The following D2HGDH variants were observed in gnomAD, a reference collection of about 807,000 sequenced individuals.
D2HGDH encodes the protein D-2-hydroxyglutarate dehydrogenase.
Under a neutral mutation model 46.9 loss-of-function variants are expected in D2HGDH, and 31 were observed. The ratio of observed to expected loss-of-function variants is 0.66; its 90% CI spans 0.50 to 0.89. D2HGDH has a LOEUF of 0.89. Ranked by LOEUF, D2HGDH falls within the 40% of genes least tolerant of loss-of-function variation. The pLI, the probability that D2HGDH is intolerant of heterozygous loss-of-function variation, is 0.00. For missense variants in D2HGDH, 698 were observed against 720.8 expected, an observed-to-expected ratio of 0.97 and a Z score of 0.36; for synonymous variants, 364 against 332.6, an observed-to-expected ratio of 1.09 and a Z score of -1.03.
intron 3 of D2HGDH, among the ~76,000 whole-genome samples, chr2:241,741,414 C>T (rs1017613491): frequency 9.2e-5 from 14 of 152,238 alleles, no homozygotes; most frequent in Non-Finnish European, 1.5e-4. Context: ...TCATCCTCAG[C>T]AGGTGCTTTG....
chr2:241,756,266 T>C (rs1227131537), intron 9 of D2HGDH, among the ~76,000 whole-genome samples: 1 of 152,226 alleles, frequency 6.6e-6, no homozygotes, highest in African/African-American at 2.4e-5. Context: ...TGGCTCAGCT[T>C]GTCAGAACGT....
In D2HGDH at chr2:241,751,287, G is replaced by A. The variant is rs142624021; in HGVS notation, c.1039G>A (p.Ala347Thr). Residue 347 changes from alanine to threonine, a missense_variant, in exon 8 of 10, where the codon GCA (alanine) becomes ACA (threonine). By Grantham distance (58) the Ala-to-Thr change is moderately conservative. Transcript: ENST00000321264. ...CCTCATCGAGACTTCAGGCTCCAAC[G>A]CAGGCCATGACGCTGAGAAGCTGGG... ...YVLIETSGSNAGHDAEKLGHF... is the reference protein window; with the variant it reads ...YVLIETSGSNTGHDAEKLGHF... The A allele has an allele frequency of 3.9e-4, 625 of 1,613,852 alleles. No homozygotes were observed. The highest frequency in any genetic ancestry group is 4.9e-4 in the Non-Finnish European group (573 of 1,180,034).
Position 241,755,509 on chromosome 2 carries a change from C to T in D2HGDH, c.1141-340C>T, listed in dbSNP as rs527369384. 26 of 1,354,574 alleles carry T rather than the reference C, an allele frequency of 1.9e-5. 1 individual carries two copies. In the East Asian group the frequency reaches 1.1e-3, roughly 59 times the overall value. 83.9% of individuals were successfully genotyped at this position (1,354,574 alleles called of 1,614,324 possible). ...GCCTCCCCCTTCCGTCATGGCTGTCCCCCTTCTGTGAGGTGTCCCAGCCGC... is the reference window on the plus strand; with the variant it reads ...GCCTCCCCCTTCCGTCATGGCTGTCTCCCTTCTGTGAGGTGTCCCAGCCGC... On this transcript the variant is annotated intron_variant, in intron 8 of 9. Transcript: ENST00000321264.
At chr2:241,755,444 C>G in intron 8 of D2HGDH, 1 of 1,311,924 alleles carries the variant, frequency 7.6e-7, no homozygotes. Context: ...CTGGCCCTTG[C>G]CACTCTGTGC....
intron 8 of D2HGDH, among the ~76,000 whole-genome samples, chr2:241,752,614 A>G (rs1697445871): frequency 6.6e-6 from 1 of 151,878 alleles, no homozygotes; most frequent in South Asian, 2.1e-4. Context: ...CTGTTTTCCC[A>G]GCAGAAAGAG....
At position 241,744,690 on chromosome 2, in the gene D2HGDH, T is replaced by A. The variant is rs1695402213; in HGVS notation, c.685-19T>A. The A allele has an allele frequency of 6.2e-7, 1 of 1,614,164 alleles. No homozygotes were observed. The highest frequency in any genetic ancestry group is 1.1e-5 in the South Asian group (1 of 91,086). On this transcript the variant is annotated intron_variant, in intron 5 of 9. Transcript: ENST00000321264. Reference sequence around the variant, plus strand: ...CAGGAGGCTGGCAGGTGGGTGAACGTGCTTCTCTTTGCCCCAAGGTGCTGG... The same window carrying A: ...CAGGAGGCTGGCAGGTGGGTGAACGAGCTTCTCTTTGCCCCAAGGTGCTGG...
chr2:241,755,287 G>A lies in D2HGDH; in HGVS notation c.1141-562G>A, dbSNP rs770814903. 3 of 1,286,794 alleles carry A rather than the reference G, an allele frequency of 2.3e-6. No individual in the cohort carries two copies. The South Asian group carries it at 3.7e-5, about 16-fold the overall frequency. 79.7% of individuals were successfully genotyped at this position (1,286,794 alleles called of 1,614,324 possible). A position where few individuals can be genotyped will look rare whatever the true frequency, so the allele number is the denominator to read the frequency against. On this transcript the variant is annotated intron_variant, in intron 8 of 9. Transcript: ENST00000321264. ...CCCTCCCCTGTGGCCCACCCGCCAT[G>A]TCCCTGCCTCCCACCCGACATGCCC...
chr2:241,744,717 C>T lies in D2HGDH; in HGVS notation c.693C>T (p.Ala231=), dbSNP rs778541885. Residue 231 remains alanine (A), a synonymous_variant, in exon 6 of 10, where the codon GCC becomes GCT. Coordinates refer to ENST00000321264, the MANE Select transcript of D2HGDH (RefSeq NM_152783.5). ...GTVLGLEVVL[A]DGTVLDCLTS... ...CTTCTCTTTGCCCCAAGGTGCTGGC[C>T]GACGGCACTGTCCTGGACTGCCTGA... The T allele has an allele frequency of 6.7e-5, 108 of 1,614,110 alleles. No individual in the cohort carries two copies. In the South Asian group the frequency reaches 9.6e-4, roughly 14 times the overall value.
At chr2:241,757,633 A>G (rs1698313269) in intron 9 of D2HGDH, among the ~76,000 whole-genome samples, 1 of 152,176 alleles carries the variant, frequency 6.6e-6, no homozygotes, top group Non-Finnish European at 1.5e-5. Context: ...CATCTTGGTG[A>G]GAAATGGAAT....
chr2:241,736,226 AAAAAC>A (rs1258227125), intron 2 of D2HGDH: 1 of 152,372 alleles, frequency 6.6e-6, no homozygotes, highest in Non-Finnish European at 1.5e-5. Flanking sequence ...CCAGGATTGA[AAAAAC>A]AAAAAGTAAA....
rs1162388972 is a variant in D2HGDH, at chr2:241,768,491, C to T, written c.*522C>T. The stretch of plus-strand genomic sequence containing the variant: ...GCGCTGCGGCTCTGCTGAATGGAGC[C>T]GGGTCCCTCAGGCCGTGGACGCCCT... On this transcript the variant is annotated 3_prime_UTR_variant, in exon 10 of 10. Transcript: ENST00000321264. 5.8e-5 allele frequency: 9 copies of T among 153,942 alleles called. No homozygotes were observed. Among genetic ancestry groups the T allele is most frequent in the Admixed American group, 1.3e-4 (2 of 15,392 alleles). 9.5% of individuals were successfully genotyped at this position (153,942 alleles called of 1,614,324 possible).
At chr2:241,735,696 G>C (rs1692583200) in intron 2 of D2HGDH, among the ~76,000 whole-genome samples, 180 bp downstream of exon 2, 1 of 152,254 alleles carries the variant, frequency 6.6e-6, no homozygotes, top group African/African-American at 2.4e-5. Context: ...GAGTCGCTTA[G>C]AACAACCCAA....
intron 2 of D2HGDH, among the ~76,000 whole-genome samples, chr2:241,740,541 A>G (rs1382158979): frequency 6.6e-6 from 1 of 152,028 alleles, no homozygotes. Context: ...TTTTTTTGAG[A>G]TGGCTTCTTG....
intron 9 of D2HGDH, among the ~76,000 whole-genome samples, chr2:241,758,691 C>G (rs752012578): frequency 1.5e-4 from 23 of 152,034 alleles, no homozygotes; most frequent in Non-Finnish European, 2.8e-4. Flanking sequence ...CTGGAAGGAT[C>G]ACTGGAGTCC....
At position 241,743,516 on chromosome 2, in the gene D2HGDH, G is replaced by A. The variant is rs902183918; in HGVS notation, c.491-106G>A. 4.5e-6 allele frequency: 6 copies of A among 1,328,700 alleles called. No homozygotes were observed. In the African/African-American group the frequency reaches 5.8e-5, roughly 13 times the overall value. The allele number at this position is 1,328,700 out of a possible 1,614,324, so 82.3% of individuals were successfully genotyped here. A position where few individuals can be genotyped will look rare whatever the true frequency, so the allele number is the denominator to read the frequency against. On this transcript the variant is annotated intron_variant, in intron 4 of 9. Coordinates refer to ENST00000321264, the MANE Select transcript of D2HGDH (RefSeq NM_152783.5). This position sits in a 1 kb window ranked among gnomAD's most constrained non-coding sequence, Gnocchi z 4.8. The stretch of plus-strand genomic sequence containing the variant: ...TCTCCTCAGCCCTGGCGCTGAGGCT[G>A]ATGTTCCTTCTGGGTGGCTTGCCTG...
rs762382450 is a variant in D2HGDH at position 241,743,640 on chromosome 2, C to T, written c.509C>T (p.Ala170Val). 9.3e-6 allele frequency: 15 copies of T among 1,613,538 alleles called. No homozygotes were observed. The highest frequency in any genetic ancestry group is 1.2e-5 in the Non-Finnish European group (14 of 1,179,914). ...TCTGCAGGAATTCTGGTTTGCCAGG[C>T]GGGCTGCGTCCTGGAGGAGCTGAGC... The part of the protein sequence containing the change: ...HSVSGILVCQ[A>V]GCVLEELSRY... Residue 170 changes from alanine to valine, a missense_variant, in exon 5 of 10, where the codon GCG becomes GTG. By Grantham distance (64) the Ala-to-Val change is moderately conservative. Coordinates refer to ENST00000321264, the MANE Select transcript of D2HGDH (RefSeq NM_152783.5). The surrounding 1 kb of genome is among the most constrained non-coding windows in gnomAD (Gnocchi z 4.8).
intron 9 of D2HGDH, among the ~76,000 whole-genome samples, chr2:241,764,900 C>T (rs1699145694): frequency 6.6e-6 from 1 of 152,234 alleles, no homozygotes. Flanking sequence ...CCAGCCTCTT[C>T]TCTGAGCCGT....
chr2:241,742,517 G>A lies in D2HGDH; in HGVS notation c.433G>A (p.Glu145Lys), dbSNP rs768540316. 7 of 1,613,958 alleles carry A rather than the reference G, an allele frequency of 4.3e-6. No individual in the cohort carries two copies. Among genetic ancestry groups the A allele is most frequent in the South Asian group, 1.1e-5 (1 of 91,074 alleles). The change falls in exon 4 of 10, where the codon GAG (glutamate) becomes AAG (lysine). Residue 145 changes from glutamate to lysine, a missense_variant. By Grantham distance (56) the Glu-to-Lys change is moderately conservative. Transcript: ENST00000321264. This position sits in a 1 kb window ranked among gnomAD's most constrained non-coding sequence, Gnocchi z 4.8. ...GGGTGGCAGCGTCCCCGTCTTTGAC[G>A]AGATCATCCTCTCCACTGCCCGCAT... ...MVGGSVPVFD[E>K]IILSTARMNR...
intron 6 of D2HGDH, among the ~76,000 whole-genome samples, chr2:241,747,588 A>C (rs1216294409): frequency 7.0e-6 from 1 of 142,302 alleles, no homozygotes; most frequent in Non-Finnish European, 1.5e-5. Context: ...TTTTTTTGAG[A>C]GACAAGGTCT....
Sources: gnomAD v4.1 joint callset for allele counts (sites outside exome capture counted in the v4.1 genomes callset) on GRCh38, gnomAD v4.1.1 for gene constraint, Gnocchi (gnomAD v3.1) non-coding constraint, MANE v1.5 for transcripts, NCBI Gene and HGNC (gene_info 2026-07-23, HGNC 2026-07-21) for gene names.